The following TMEM270 variants were observed in gnomAD, a reference collection of about 807,000 sequenced individuals.
The protein encoded by TMEM270 is Williams-Beuren syndrome chromosome region 28.
Under a neutral mutation model 29.9 loss-of-function variants are expected in TMEM270, and 30 were observed. The ratio of observed to expected loss-of-function variants is 1.00; its 90% CI spans 0.75 to 1.36. The LOEUF (loss-of-function observed/expected upper bound fraction) is 1.36. Ranked by LOEUF, TMEM270 falls within the 40% of genes most tolerant of loss-of-function variation. TMEM270 has a pLI of 0.00. For missense variants in TMEM270, 313 were observed against 307.1 expected (o/e 1.02, Z -0.14); for synonymous variants, 135 against 139.8 (o/e 0.97, Z 0.24).
At chr7:73,861,427 C>A in intron 1 of TMEM270, 161 bp downstream of exon 1, 1 of 671,066 alleles carries the variant, frequency 1.5e-6, no homozygotes, top group Non-Finnish European at 2.6e-6. Context: ...AGCCCCACTC[C>A]AAACTACAGT....
chr7:73,865,602 G>A lies in TMEM270; in HGVS notation c.527G>A (p.Arg176Lys). The part of the protein sequence containing the change: ...SKALQVNCVV[R>K]KLLVQLRRLY... Reference sequence around the variant, plus strand: ...GCCTTGCAAGTGAACTGCGTGGTAAGGAAGCTCCTGGTACAGCTGAGACGT... The same window carrying A: ...GCCTTGCAAGTGAACTGCGTGGTAAAGAAGCTCCTGGTACAGCTGAGACGT... The change falls in exon 3 of 3, where the codon AGG (arginine) becomes AAG (lysine). Residue 176 changes from arginine (R) to lysine (K), a missense_variant. By Grantham distance (26) the Arg-to-Lys change is conservative. Coordinates refer to ENST00000320531, the MANE Select transcript of TMEM270 (RefSeq NM_182504.4). 1.9e-6 allele frequency: 3 copies of A among 1,614,058 alleles called. No homozygotes were observed. Among genetic ancestry groups the A allele is most frequent in the East Asian group, 2.2e-5 (1 of 44,882 alleles).
intron 1 of TMEM270, among the ~76,000 whole-genome samples, chr7:73,861,868 G>A (rs187355143): frequency 1.3e-5 from 2 of 151,944 alleles, no homozygotes; most frequent in Non-Finnish European, 2.9e-5. Context: ...GTGCGATCTC[G>A]GCTCACTGCA....
chr7:73,862,194 A>C (rs1584353460), intron 1 of TMEM270, among the ~76,000 whole-genome samples: 2 of 140,700 alleles, frequency 1.4e-5, no homozygotes. Flanking sequence ...TGCAACTTCC[A>C]CCTCCAGGTT....
Position 73,861,218 on chromosome 7 carries a change from A to G in TMEM270, c.24A>G (p.Arg8=), listed in dbSNP as rs1554639183. The change falls in exon 1 of 3, where the codon AGA becomes AGG. Residue 8 remains arginine, a synonymous_variant. Coordinates refer to ENST00000320531, the MANE Select transcript of TMEM270 (RefSeq NM_182504.4). MEALPPV[R]SSLLGILLQV... ...ACATGGAGGCCCTTCCTCCAGTCAG[A>G]TCCAGCCTTTTGGGGATCCTGTTGC... The G allele has an allele frequency of 1.2e-6, 2 of 1,613,578 alleles. No homozygotes were observed. The highest frequency in any genetic ancestry group is 1.7e-6 in the Non-Finnish European group (2 of 1,179,684).
chr7:73,861,435 A>T, intron 1 of TMEM270, 169 bp downstream of exon 1: 1 of 667,938 alleles, frequency 1.5e-6, no homozygotes, highest in South Asian at 1.7e-5. Flanking sequence ...TCCAAACTAC[A>T]GTGCTGACAT....
chr7:73,864,430 T>TA (rs542312848), intron 1 of TMEM270, among the ~76,000 whole-genome samples: 10 of 150,732 alleles, frequency 6.6e-5, no homozygotes, highest in African/African-American at 2.2e-4. Flanking sequence ...TCCTGTTTCT[T>TA]AAAAAAAAAT....
In TMEM270 at chr7:73,865,437, G is replaced by C; in HGVS notation, c.501+16G>C. ...GCTCAGTAAGGTGGGTGGTCTCGGG[G>C]TGAGGCTGGGGTGTGGAGGGCAAAC... On this transcript the variant is annotated intron_variant, in intron 2 of 2. Transcript: ENST00000320531. 2 of 1,601,034 alleles carry C rather than the reference G, an allele frequency of 1.2e-6. No individual in the cohort carries two copies. Among genetic ancestry groups the C allele is most frequent in the Non-Finnish European group, 1.7e-6 (2 of 1,172,830 alleles).
intron 1 of TMEM270, among the ~76,000 whole-genome samples, chr7:73,864,115 A>C (rs564959653): frequency 6.3e-4 from 16 of 25,334 alleles, no homozygotes; most frequent in African/African-American, 1.5e-3. Flanking sequence ...CCGCCTCTAC[A>C]AAAAAAAAAA....
At position 73,865,879 on chromosome 7, in the gene TMEM270, T is replaced by C. The variant is rs1296653731; in HGVS notation, c.*6T>C. The C allele has an allele frequency of 1.2e-6, 2 of 1,606,338 alleles. No homozygotes were observed. Among genetic ancestry groups the C allele is most frequent in the African/African-American group, 1.3e-5 (1 of 74,852 alleles). ...AAGAAACTCCCAGAGAATAAATGTA[T>C]CCCCATCTGCCTCTCCTGGTCTGGC... On this transcript the variant is annotated 3_prime_UTR_variant, in exon 3 of 3. Transcript: ENST00000320531.
In TMEM270 at chr7:73,865,113, C is replaced by T. The variant is rs1584355393; in HGVS notation, c.193C>T (p.Pro65Ser). Residue 65 changes from proline to serine, a missense_variant, in exon 2 of 3, where the codon CCC becomes TCC. Coordinates refer to ENST00000320531, the MANE Select transcript of TMEM270 (RefSeq NM_182504.4). ...RGSCNWQAHL[P>S]LGAAACPLGQ... ...GTCCTGTAACTGGCAGGCCCACCTA[C>T]CCCTGGGAGCTGCAGCCTGCCCCCT... 1 of 1,595,202 alleles carries T rather than the reference C, an allele frequency of 6.3e-7. No homozygotes were observed.
Position 73,865,561 on chromosome 7 carries a change from TGTC to T in TMEM270, c.502-15_502-13del. 1 of 1,610,504 alleles carries T rather than the reference TGTC, an allele frequency of 6.2e-7. No individual in the cohort carries two copies. Among genetic ancestry groups the T allele is most frequent in the African/African-American group, 1.3e-5 (1 of 74,978 alleles). ...AGCTCCTAAGGGCCACCTGCCCATC[TGTC>T]TCCCTGTTCCAGGCCTTGCAAGTGA... On this transcript the variant is annotated splice_polypyrimidine_tract_variant and intron_variant, in intron 2 of 2. Transcript: ENST00000320531.
In TMEM270 at chr7:73,864,114, C is replaced by CAAAAA. The variant is rs34181696; in HGVS notation, c.73-860_73-856dup. Among the ~76,000 whole-genome samples the CAAAAA allele has an allele frequency of 2.7e-4, 22 of 80,930 alleles. 1 individual carries two copies. Among genetic ancestry groups the CAAAAA allele is most frequent in the South Asian group, 4.8e-4 (1 of 2,084 alleles). The allele number at this position is 80,930 out of a possible 152,430, so 53.1% of individuals were successfully genotyped here. A position where few individuals can be genotyped will look rare whatever the true frequency, so the allele number is the denominator to read the frequency against. On this transcript the variant is annotated intron_variant, in intron 1 of 2. Transcript: ENST00000320531. The stretch of plus-strand genomic sequence containing the variant: ...ATAACATAGCAAGACCCCGCCTCTA[C>CAAAAA]AAAAAAAAAAAAAAAAAAAAAAATT...
intron 1 of TMEM270, among the ~76,000 whole-genome samples, chr7:73,863,392 C>CTTT (rs34629826): frequency 1.4e-5 from 2 of 142,032 alleles, no homozygotes; most frequent in Non-Finnish European, 1.5e-5. Context: ...ATCTGGAATT[C>CTTT]TTTTTTTTTT....
At position 73,865,691 on chromosome 7, in the gene TMEM270, T is replaced by C; in HGVS notation, c.616T>C (p.Trp206Arg). ...CTGGCACCTGGCCTATCTCATCACCTGGACCACCTGCCTGGCCTCCCACCT... is the reference window on the plus strand; with the variant it reads ...CTGGCACCTGGCCTATCTCATCACCCGGACCACCTGCCTGGCCTCCCACCT... ...TSWHLAYLIT[W>R]TTCLASHLLQ... Residue 206 changes from tryptophan (W) to arginine (R), a missense_variant, in exon 3 of 3, where the codon TGG becomes CGG. Coordinates refer to ENST00000320531, the MANE Select transcript of TMEM270 (RefSeq NM_182504.4). The C allele has an allele frequency of 6.2e-7, 1 of 1,614,104 alleles. No homozygotes were observed. The highest frequency in any genetic ancestry group is 8.5e-7 in the Non-Finnish European group (1 of 1,179,988).
chr7:73,865,568 C>T lies in TMEM270; in HGVS notation c.502-9C>T, dbSNP rs781968923. The T allele has an allele frequency of 3.1e-6, 5 of 1,611,506 alleles. No individual in the cohort carries two copies. Among genetic ancestry groups the T allele is most frequent in the African/African-American group, 2.7e-5 (2 of 74,878 alleles). On this transcript the variant is annotated splice_polypyrimidine_tract_variant and intron_variant, in intron 2 of 2. Transcript: ENST00000320531. ...AAGGGCCACCTGCCCATCTGTCTCC[C>T]TGTTCCAGGCCTTGCAAGTGAACTG... is the stretch of plus-strand genomic sequence containing the variant.
At position 73,865,352 on chromosome 7, in the gene TMEM270, CTTGGTGG is replaced by C; in HGVS notation, c.434_440del (p.Leu145Ter). The C allele has an allele frequency of 6.2e-7, 1 of 1,613,744 alleles. No homozygotes were observed. Among genetic ancestry groups the C allele is most frequent in the Non-Finnish European group, 8.5e-7 (1 of 1,180,010 alleles). ...ACGGCCTGATGTTGGTGGCCTTGCT[CTTGGTGG>C]TAGTGACCTGGAGGGTGTGTCAGAA... On this transcript the variant is annotated frameshift_variant, in exon 2 of 3. Coordinates refer to ENST00000320531, the MANE Select transcript of TMEM270 (RefSeq NM_182504.4). LOFTEE classifies it high-confidence loss of function.
At chr7:73,862,288 A>G (rs1788806483) in intron 1 of TMEM270, among the ~76,000 whole-genome samples, 1 of 151,406 alleles carries the variant, frequency 6.6e-6, no homozygotes, top group African/African-American at 2.4e-5. Flanking sequence ...TTGTATCTTT[A>G]GTAGAGACAG....
At chr7:73,861,726 T>G (rs564384569) in intron 1 of TMEM270, 1 of 247,684 alleles carries the variant, frequency 4.0e-6, no homozygotes, top group Non-Finnish European at 8.2e-6. Flanking sequence ...GGATTATAGG[T>G]GTGAGCCACC....
Position 73,865,129 on chromosome 7 carries a change from C to T in TMEM270, c.209C>T (p.Ala70Val), listed in dbSNP as rs17852792. 3 of 1,604,424 alleles carry T rather than the reference C, an allele frequency of 1.9e-6. No homozygotes were observed. Among genetic ancestry groups the T allele is most frequent in the East Asian group, 4.5e-5 (2 of 44,624 alleles). ...GCCCACCTACCCCTGGGAGCTGCAG[C>T]CTGCCCCCTGGGCCAGGCTCTCTGG... ...WQAHLPLGAA[A>V]CPLGQALWAG... The change falls in exon 2 of 3, where the codon GCC becomes GTC. Residue 70 changes from alanine (A) to valine (V), a missense_variant. Transcript: ENST00000320531.
Sources: allele counts gnomAD v4.1 joint callset (sites outside exome capture counted in the v4.1 genomes callset), GRCh38; gene constraint gnomAD v4.1.1; transcripts MANE v1.5; gene names NCBI Gene and HGNC (gene_info 2026-07-23, HGNC 2026-07-21).